ANKLE2: variants seen among roughly 807,000 people sequenced by gnomAD.
The protein encoded by ANKLE2 is ankyrin repeat and LEM domain-containing protein 2.
A neutral mutation model predicts 84.2 loss-of-function variants in ANKLE2; 55 were observed. The ratio of observed to expected loss-of-function variants is 0.65; its 90% CI spans 0.53 to 0.82. The LOEUF (loss-of-function observed/expected upper bound fraction) is 0.82. Ranked by LOEUF, ANKLE2 falls within the 40% of genes least tolerant of loss-of-function variation. ANKLE2 has a pLI of 0.00. For missense variants in ANKLE2, 1,238 were observed against 1,201.9 expected, an observed-to-expected ratio of 1.03 and a Z score of -0.44; for synonymous variants, 551 against 486.1, an observed-to-expected ratio of 1.13 and a Z score of -1.76.
chr12:132,732,968 A>C (rs1247785602), intron 10 of ANKLE2, among the ~76,000 whole-genome samples: 40 of 40,294 alleles, frequency 9.9e-4, no homozygotes, highest in East Asian at 3.1e-3. Context: ...TGGTGTCTGA[A>C]ATACACTGTG....
In ANKLE2 at chr12:132,754,821, G is replaced by A; in HGVS notation, c.494C>T (p.Pro165Leu). 1 of 1,614,160 alleles carries A rather than the reference G, an allele frequency of 6.2e-7. No individual in the cohort carries two copies. Among genetic ancestry groups the A allele is most frequent in the Non-Finnish European group, 8.5e-7 (1 of 1,180,042 alleles). ...GGATGTCACAGCTTCCTCCTCTGGA[G>A]GATTCAGGCCCACACTGTAACCAAA... is the stretch of plus-strand genomic sequence containing the variant. Reference protein sequence around the residue: ...RDFGYSVGLNPPEEEAVTSKT... With the variant: ...RDFGYSVGLNLPEEEAVTSKT... Residue 165 changes from proline (P) to leucine (L), a missense_variant, in exon 2 of 13, where the codon CCT becomes CTT. Physicochemically the swap from Pro to Leu is moderately conservative, Grantham distance 98. Transcript: ENST00000357997.
chr12:132,727,291 C>A lies in ANKLE2; in HGVS notation c.2768G>T (p.Gly923Val). The change falls in exon 13 of 13, where the codon GGG becomes GTG. Residue 923 changes from glycine to valine, a missense_variant. By Grantham distance (109) the Gly-to-Val change is moderately radical. This residue lies in a region of ANKLE2 where 802 missense variants were observed against 774.5 expected (regional missense o/e 1.04). Transcript: ENST00000357997. ...GSPGRYSPVH[G>V]SQLRRMARLA... ...GCGCGCCATCCTGCGGAGCTGGCTCCCGTGCACGGGGCTGTAGCGCCCAGG... is the reference window on the plus strand; with the variant it reads ...GCGCGCCATCCTGCGGAGCTGGCTCACGTGCACGGGGCTGTAGCGCCCAGG... The A allele has an allele frequency of 6.4e-7, 1 of 1,566,648 alleles. No homozygotes were observed. Among genetic ancestry groups the A allele is most frequent in the Non-Finnish European group, 8.6e-7 (1 of 1,156,270 alleles).
chr12:132,755,338 G>C (rs1344043088), intron 1 of ANKLE2: 1 of 495,602 alleles, frequency 2.0e-6, no homozygotes, highest in African/African-American at 2.0e-5. Context: ...GAGGTCAGGA[G>C]TTCGAGACCA....
intron 4 of ANKLE2, 54 bp downstream of exon 4, chr12:132,748,084 T>C: frequency 6.2e-7 from 1 of 1,605,626 alleles, no homozygotes; most frequent in Non-Finnish European, 8.5e-7. Flanking sequence ...GTGCGAGTGC[T>C]GCGATGGAAC....
At chr12:132,745,090 C>G (rs941781782) in intron 5 of ANKLE2, 1 of 152,588 alleles carries the variant, frequency 6.6e-6, no homozygotes, top group Non-Finnish European at 1.5e-5. Context: ...GCTGCCTGCT[C>G]GGCTCCCACA....
intron 5 of ANKLE2, among the ~76,000 whole-genome samples, chr12:132,746,374 G>A (rs1212461112): frequency 7.5e-6 from 1 of 134,124 alleles, no homozygotes; most frequent in Non-Finnish European, 1.6e-5. Context: ...AAAAGAATCA[G>A]GTTAGCCCAT....
At chr12:132,741,926 C>A in intron 6 of ANKLE2, 1 of 434,866 alleles carries the variant, frequency 2.3e-6, no homozygotes, top group African/African-American at 2.0e-5. Flanking sequence ...TCTATTTTTG[C>A]CACTAAAGAA....
rs369790399 is a variant in ANKLE2, at chr12:132,748,129, G to T, written c.1041+9C>A. Reference sequence around the variant, plus strand: ...CGCACACCTGCCCGAGGGAACCGCCGAGACCTACCTGCACGATAGTGGGGT... The same window carrying T: ...CGCACACCTGCCCGAGGGAACCGCCTAGACCTACCTGCACGATAGTGGGGT... On this transcript the variant is annotated intron_variant, in intron 4 of 12. Transcript: ENST00000357997. 1 of 1,611,584 alleles carries T rather than the reference G, an allele frequency of 6.2e-7. No homozygotes were observed. Among genetic ancestry groups the T allele is most frequent in the Non-Finnish European group, 8.5e-7 (1 of 1,178,242 alleles).
At chr12:132,747,404 A>G (rs1346953941) in intron 5 of ANKLE2, among the ~76,000 whole-genome samples, 1 of 150,556 alleles carries the variant, frequency 6.6e-6, no homozygotes, top group South Asian at 2.1e-4. Flanking sequence ...CTCTCTCTCC[A>G]CAGCCCTGCG....
In ANKLE2 at chr12:132,748,338, G is replaced by GT; in HGVS notation, c.848-8dup. 1 of 1,613,784 alleles carries GT rather than the reference G, an allele frequency of 6.2e-7. No individual in the cohort carries two copies. Among genetic ancestry groups the GT allele is most frequent in the African/African-American group, 1.3e-5 (1 of 75,074 alleles). ...TCCGACAAGCACAAACCATCTGTCA[G>GT]TAAGAGACAGAATTTAAGAACAATC... On this transcript the variant is annotated splice_region_variant and splice_polypyrimidine_tract_variant and intron_variant, in intron 3 of 12. Coordinates refer to ENST00000357997, the MANE Select transcript of ANKLE2 (RefSeq NM_015114.3).
At chr12:132,746,348 C>CAAAAAAAAAAAAAAAAAAA (rs566130639) in intron 5 of ANKLE2, among the ~76,000 whole-genome samples, 27 of 66,516 alleles carry the variant, frequency 4.1e-4, no homozygotes, top group Non-Finnish European at 5.1e-4. Context: ...GACTCTGTCT[C>CAAAAAAAAAAAAAAAAAAA]AAAAAAAAAA....
At chr12:132,748,071 C>T in intron 4 of ANKLE2, 51 bp from the exon 5 acceptor site, 1 of 1,604,476 alleles carries the variant, frequency 6.2e-7, no homozygotes, top group Non-Finnish European at 8.5e-7. Flanking sequence ...GTGGACACGC[C>T]CTGTGCGAGT....
intron 2 of ANKLE2, among the ~76,000 whole-genome samples, chr12:132,753,006 A>G (rs1356204847): frequency 6.6e-6 from 1 of 151,502 alleles, no homozygotes; most frequent in African/African-American, 2.4e-5. Flanking sequence ...AAAAAAAAAA[A>G]AAAATTTAAT....
chr12:132,729,043 G>A (rs1053917243), intron 11 of ANKLE2, among the ~76,000 whole-genome samples: 2 of 152,062 alleles, frequency 1.3e-5, no homozygotes, highest in East Asian at 3.9e-4. Flanking sequence ...GAACGCACAC[G>A]GCAAGTCCAC....
rs7134368 is a variant in ANKLE2 at position 132,736,593 on chromosome 12, A to G, written c.1593+300T>C. 1.6e-3 allele frequency among the ~76,000 whole-genome samples: 240 copies of G among 152,316 alleles called. 1 individual carries two copies. Among genetic ancestry groups the G allele is most frequent in the Admixed American group, 2.9e-3 (45 of 15,304 alleles). On this transcript the variant is annotated intron_variant, in intron 8 of 12. Coordinates refer to ENST00000357997, the MANE Select transcript of ANKLE2 (RefSeq NM_015114.3). ...AAGGTGCCTAGGACGGGCCATCAAC[A>G]CAGCAAGAACAGGGCGACACGCGCA...
At chr12:132,746,348 C>CAAAAAAAAAAAAAAAAAAAAAAAAAAAAA (rs566130639) in intron 5 of ANKLE2, among the ~76,000 whole-genome samples, 2 of 66,526 alleles carry the variant, frequency 3.0e-5, no homozygotes, top group Admixed American at 1.7e-4. Context: ...GACTCTGTCT[C>CAAAAAAAAAAAAAAAAAAAAAAAAAAAAA]AAAAAAAAAA....
intron 1 of ANKLE2, chr12:132,759,366 A>T (rs1214459132): frequency 1.3e-5 from 2 of 152,214 alleles, no homozygotes; most frequent in African/African-American, 2.4e-5. Flanking sequence ...GTGTGAAAAT[A>T]GTTTTCATTT....
At chr12:132,757,091 C>G in intron 1 of ANKLE2, 1 of 152,188 alleles carries the variant, frequency 6.6e-6, no homozygotes, top group East Asian at 1.9e-4. Flanking sequence ...CTTTGGAAAA[C>G]AGTGAGTGAC....
In ANKLE2 at chr12:132,727,836, G is replaced by A. The variant is rs369845950; in HGVS notation, c.2615+196C>T. ...TCTAGCCCTCAGCTTGTCAGGAGCT[G>A]ACCCGTTCAGCTTTTCCACCCAACC... On this transcript the variant is annotated intron_variant, in intron 12 of 12. Transcript: ENST00000357997. Among the ~76,000 whole-genome samples the A allele has an allele frequency of 3.0e-4, 45 of 152,296 alleles. No individual in the cohort carries two copies. In the East Asian group the frequency reaches 7.9e-3, roughly 27 times the overall value.
Sources: allele counts gnomAD v4.1 joint callset (sites outside exome capture counted in the v4.1 genomes callset), GRCh38; gene constraint gnomAD v4.1.1; regional missense constraint gnomAD v4.1.1; transcripts MANE v1.5; gene names NCBI Gene and HGNC (gene_info 2026-07-23, HGNC 2026-07-21).